COMMD10: variants seen among roughly 807,000 people sequenced by gnomAD.
COMMD10 encodes the protein COMM domain-containing protein 10.
COMMD10 carries 33 observed loss-of-function variants against 28.9 expected under a neutral mutation model. The observed-to-expected ratio is 1.14, with a 90% CI of 0.87 to 1.53. The LOEUF (loss-of-function observed/expected upper bound fraction) is 1.53, where lower values mean the gene tolerates loss of function less well. Among genes scored for constraint, COMMD10 ranks in the 40% most tolerant of loss-of-function variants. COMMD10 has a pLI of 0.00. For missense variants in COMMD10, 310 were observed against 233.4 expected, an observed-to-expected ratio of 1.33 and a Z score of -2.14; for synonymous variants, 110 against 81.7, an observed-to-expected ratio of 1.35 and a Z score of -1.87.
chr5:116,228,001 C>G (rs1385184851), intron 5 of COMMD10, among the ~76,000 whole-genome samples: 1 of 151,960 alleles, frequency 6.6e-6, no homozygotes, highest in African/African-American at 2.4e-5. Context: ...GAATAATGCA[C>G]ATACATTTCA....
intron 4 of COMMD10, among the ~76,000 whole-genome samples, chr5:116,131,162 T>G (rs1442769849): frequency 6.6e-6 from 1 of 151,884 alleles, no homozygotes. Flanking sequence ...GTGAGGCAGG[T>G]CTTATTGTGT....
chr5:116,197,660 G>T (rs111316336), intron 5 of COMMD10, among the ~76,000 whole-genome samples: 16,132 of 152,110 alleles, frequency 0.11, 953 homozygotes, highest in African/African-American at 0.15. Flanking sequence ...GGGATTACAG[G>T]TGTGAGCCAC....
At chr5:116,252,049 G>C (rs1750133605) in intron 5 of COMMD10, among the ~76,000 whole-genome samples, 1 of 149,924 alleles carries the variant, frequency 6.7e-6, no homozygotes, top group Non-Finnish European at 1.5e-5. Context: ...CTGATGGCCA[G>C]TGATGGTGAG....
chr5:116,249,203 G>T (rs1750042815), intron 5 of COMMD10, among the ~76,000 whole-genome samples: 1 of 151,870 alleles, frequency 6.6e-6, no homozygotes, highest in South Asian at 2.1e-4. Context: ...TAATTGCAAA[G>T]AAGTATTTAC....
At chr5:116,124,525 C>T (rs1751551941) in intron 4 of COMMD10, among the ~76,000 whole-genome samples, 1 of 152,118 alleles carries the variant, frequency 6.6e-6, no homozygotes, top group Admixed American at 6.6e-5. Flanking sequence ...CGATGCGGTG[C>T]TGAGAAGAAT....
Position 116,113,127 on chromosome 5 carries a change from C to T in COMMD10, c.399+20427C>T, listed in dbSNP as rs1418279964. ...TGGCTGACAGTTGTTTTCTTTCACA[C>T]TTTGATTATGTCGTCACATTTTTTC... is the stretch of plus-strand genomic sequence containing the variant. On this transcript the variant is annotated intron_variant, in intron 4 of 6. Coordinates refer to ENST00000274458, the MANE Select transcript of COMMD10 (RefSeq NM_016144.4). Among the ~76,000 whole-genome samples the T allele has an allele frequency of 7.9e-5, 12 of 152,144 alleles. 1 individual carries two copies. Among genetic ancestry groups the T allele is most frequent in the Admixed American group, 7.2e-4 (11 of 15,272 alleles).
At chr5:116,263,369 A>C (rs1450623384) in intron 5 of COMMD10, among the ~76,000 whole-genome samples, 1 of 151,718 alleles carries the variant, frequency 6.6e-6, no homozygotes, top group Non-Finnish European at 1.5e-5. Flanking sequence ...CTCTGGCATA[A>C]CATTACGAGA....
At chr5:116,163,001 C>T (rs919524859) in intron 5 of COMMD10, among the ~76,000 whole-genome samples, 1 of 152,078 alleles carries the variant, frequency 6.6e-6, no homozygotes, top group Non-Finnish European at 1.5e-5. Flanking sequence ...ACTCCTCTCT[C>T]AGTTTCTAGA....
chr5:116,284,581 A>G (rs1751169279), intron 5 of COMMD10, among the ~76,000 whole-genome samples: 1 of 151,824 alleles, frequency 6.6e-6, no homozygotes, highest in African/African-American at 2.4e-5. Flanking sequence ...TCCATTATCT[A>G]ATGACAGTGG....
chr5:116,135,684 A>ATTGTTG (rs1246034029), intron 5 of COMMD10, among the ~76,000 whole-genome samples: 2 of 152,132 alleles, frequency 1.3e-5, no homozygotes, highest in Non-Finnish European at 2.9e-5. Context: ...TTTTATTATT[A>ATTGTTG]TTGTTGTTAA....
intron 5 of COMMD10, among the ~76,000 whole-genome samples, chr5:116,159,048 G>A (rs1232642802): frequency 6.6e-6 from 1 of 152,102 alleles, no homozygotes; most frequent in Non-Finnish European, 1.5e-5. Context: ...TCTGTCATCT[G>A]TGCCTCTAGT....
chr5:116,106,959 G>A (rs1750859354), intron 4 of COMMD10, among the ~76,000 whole-genome samples: 1 of 152,048 alleles, frequency 6.6e-6, no homozygotes. Context: ...TTTTAATTGG[G>A]GCATTTAGCT....
At chr5:116,187,714 G>C (rs1748188218) in intron 5 of COMMD10, among the ~76,000 whole-genome samples, 1 of 152,078 alleles carries the variant, frequency 6.6e-6, no homozygotes, top group Admixed American at 6.6e-5. Context: ...GTTTAACTGA[G>C]TTGAGAAAGC....
At chr5:116,179,388 A>G (rs1747866946) in intron 5 of COMMD10, among the ~76,000 whole-genome samples, 1 of 152,182 alleles carries the variant, frequency 6.6e-6, no homozygotes, top group African/African-American at 2.4e-5. Flanking sequence ...GGATAATGTC[A>G]GAACCAGACT....
intron 5 of COMMD10, among the ~76,000 whole-genome samples, chr5:116,247,214 GA>G (rs1353035516): frequency 1.3e-5 from 2 of 151,978 alleles, no homozygotes; most frequent in Non-Finnish European, 2.9e-5. Context: ...ACAGTCATAT[GA>G]AAAAAAGCTC....
intron 4 of COMMD10, among the ~76,000 whole-genome samples, chr5:116,106,526 T>A (rs748139641): frequency 6.6e-6 from 1 of 152,188 alleles, no homozygotes; most frequent in Non-Finnish European, 1.5e-5. Context: ...TGAGTTCAAG[T>A]CCTGGATATC....
intron 5 of COMMD10, among the ~76,000 whole-genome samples, chr5:116,217,277 T>C (rs1295209925): frequency 2.0e-5 from 3 of 151,852 alleles, no homozygotes; most frequent in Admixed American, 6.6e-5. Flanking sequence ...AGGCAGAACA[T>C]GGGCAGACAG....
intron 5 of COMMD10, among the ~76,000 whole-genome samples, chr5:116,251,772 A>C (rs377150615): frequency 0.047 from 7,093 of 152,106 alleles, 247 homozygotes; most frequent in Non-Finnish European, 0.064. Context: ...ATGTGTCTTT[A>C]TAGCAGCATG....
At chr5:116,184,117 A>G (rs1222320531) in intron 5 of COMMD10, among the ~76,000 whole-genome samples, 1 of 152,072 alleles carries the variant, frequency 6.6e-6, no homozygotes, top group Non-Finnish European at 1.5e-5. Context: ...AAGAAGTTTT[A>G]TAGATCTCAC....
Sources: gnomAD v4.1 joint callset for allele counts (sites outside exome capture counted in the v4.1 genomes callset) on GRCh38, gnomAD v4.1.1 for gene constraint, MANE v1.5 for transcripts, NCBI Gene and HGNC (gene_info 2026-07-23, HGNC 2026-07-21) for gene names.